Variants in FREM1 observed in about 807,000 individuals in gnomAD.
The protein encoded by FREM1 is FRAS1-related extracellular matrix protein 1.
Under a neutral mutation model 210.1 loss-of-function variants are expected in FREM1, and 220 were observed. That is an observed-to-expected ratio of 1.05 (90% CI 0.94 to 1.17). The LOEUF is 1.17. FREM1 is among the 50% of genes most tolerant of loss of function. The pLI, the probability that FREM1 is intolerant of heterozygous loss-of-function variation, is 0.00. For missense variants in FREM1, 3,454 were observed against 2,675.5 expected (o/e 1.29, Z -6.42); for synonymous variants, 1,189 against 980.2 (o/e 1.21, Z -3.98).
chr9:14,749,245 T>C (rs745715372), intron 30 of FREM1, among the ~76,000 whole-genome samples: 1 of 152,184 alleles, frequency 6.6e-6, no homozygotes, highest in Non-Finnish European at 1.5e-5. Flanking sequence ...GTGTATATCA[T>C]GTATTTTATG....
Position 14,807,926 on chromosome 9 carries a change from A to G in FREM1, c.3088+14T>C. The G allele has an allele frequency of 6.3e-7, 1 of 1,599,230 alleles. No homozygotes were observed. The highest frequency in any genetic ancestry group is 8.6e-7 in the Non-Finnish European group (1 of 1,167,514). On this transcript the variant is annotated intron_variant, in intron 17 of 36. Coordinates refer to ENST00000380880, the MANE Select transcript of FREM1 (RefSeq NM_001379081.2). The stretch of plus-strand genomic sequence containing the variant: ...GTCAGACAATAGTACTGGAACAAAA[A>G]AACACATTGTCACCTATTGCAATGG...
chr9:14,823,635 G>T (rs1199119137), intron 12 of FREM1, among the ~76,000 whole-genome samples: 1 of 152,072 alleles, frequency 6.6e-6, no homozygotes, highest in Admixed American at 6.5e-5. Flanking sequence ...AGTCCTTTAT[G>T]TCCTGGCAGT....
At chr9:14,753,359 G>C (rs1386941618) in intron 29 of FREM1, among the ~76,000 whole-genome samples, 1 of 152,172 alleles carries the variant, frequency 6.6e-6, no homozygotes, top group Non-Finnish European at 1.5e-5. Context: ...TTGACTCTAA[G>C]GAATGATGAT....
chr9:14,864,560 A>G (rs1418986529), intron 2 of FREM1, among the ~76,000 whole-genome samples: 2 of 152,202 alleles, frequency 1.3e-5, no homozygotes, highest in Non-Finnish European at 2.9e-5. Flanking sequence ...TCCTCTATTC[A>G]AATAAAATTA....
chr9:14,739,451 T>TATATATATATATATATATATATAATTC (rs1841043138), intron 36 of FREM1, among the ~76,000 whole-genome samples: 3 of 8,708 alleles, frequency 3.4e-4, no homozygotes, highest in Non-Finnish European at 3.6e-4. Context: ...TTATTTGGAA[T>TATATATATATATATATATATATAATTC]ATATATATAT....
intron 27 of FREM1, among the ~76,000 whole-genome samples, chr9:14,769,521 A>G (rs1847134404): frequency 6.6e-6 from 1 of 152,150 alleles, no homozygotes; most frequent in Non-Finnish European, 1.5e-5. Context: ...ATGTTTCTGT[A>G]CTCTGTAAAG....
At chr9:14,865,436 A>G (rs1314406517) in intron 2 of FREM1, among the ~76,000 whole-genome samples, 15 of 152,256 alleles carry the variant, frequency 9.9e-5, no homozygotes. Context: ...ATCCCTTTCC[A>G]AATATTCAAC....
intron 22 of FREM1, among the ~76,000 whole-genome samples, chr9:14,790,153 G>C (rs977152065): frequency 5.3e-5 from 8 of 152,138 alleles, no homozygotes; most frequent in African/African-American, 1.9e-4. Flanking sequence ...ACAGCAGTGG[G>C]ATGAAGACAC....
In FREM1 at chr9:14,851,380, G is replaced by T; in HGVS notation, c.1056C>A (p.Thr352=). Reference sequence around the variant, plus strand: ...TCCAGGTGAATGAGGAGATTGGTCTGGTGTGATCCAACAGGTGAGTCACAT... The same window carrying T: ...TCCAGGTGAATGAGGAGATTGGTCTTGTGTGATCCAACAGGTGAGTCACAT... The part of the protein sequence containing the change: ...QGYVTHLLDH[T]RPISSFTWKD... The change falls in exon 6 of 37, where the codon ACC becomes ACA. Residue 352 remains threonine (T), a synonymous_variant. Coordinates refer to ENST00000380880, the MANE Select transcript of FREM1 (RefSeq NM_001379081.2). The T allele has an allele frequency of 6.2e-7, 1 of 1,613,830 alleles. No homozygotes were observed. Among genetic ancestry groups the T allele is most frequent in the Non-Finnish European group, 8.5e-7 (1 of 1,179,776 alleles).
chr9:14,847,632 G>A (rs76595440), intron 7 of FREM1, among the ~76,000 whole-genome samples: 5,104 of 152,172 alleles, frequency 0.034, 126 homozygotes, highest in African/African-American at 0.055. Context: ...TCTTCACGGC[G>A]AAATAATAAT....
chr9:14,819,326 T>G lies in FREM1; in HGVS notation c.2454A>C (p.Glu818Asp), dbSNP rs764056384. The G allele has an allele frequency of 8.1e-6, 13 of 1,613,724 alleles. No individual in the cohort carries two copies. The highest frequency in any genetic ancestry group is 2.5e-6 in the Non-Finnish European group (3 of 1,179,738). The change falls in exon 14 of 37, where the codon GAA (glutamate) becomes GAC (aspartate). Residue 818 changes from glutamate to aspartate, a missense_variant. Glu to Asp is a conservative substitution (Grantham distance 45). Transcript: ENST00000380880. ...KLDNIDLSLR[E>D]LPLHGRVELN... is the part of the protein sequence containing the mutation. ...GCTCCACCCTTCCGTGCAGAGGCAATTCCCGCAGGGAGAGGTCAATATTGT... is the reference window on the plus strand; with the variant it reads ...GCTCCACCCTTCCGTGCAGAGGCAAGTCCCGCAGGGAGAGGTCAATATTGT...
intron 2 of FREM1, among the ~76,000 whole-genome samples, chr9:14,867,216 G>A (rs920145251): frequency 3.6e-4 from 55 of 152,218 alleles, no homozygotes; most frequent in African/African-American, 1.3e-3. Context: ...CCACTCCTGA[G>A]CTTATTTGTA....
intron 29 of FREM1, chr9:14,751,939 C>T (rs1348387620): frequency 2.0e-5 from 3 of 150,724 alleles, no homozygotes; most frequent in Non-Finnish European, 4.4e-5. Flanking sequence ...ATTAAGCTTC[C>T]AGTACTGAGT....
intron 35 of FREM1, among the ~76,000 whole-genome samples, chr9:14,743,720 A>C (rs1841948043): frequency 6.6e-6 from 1 of 152,132 alleles, no homozygotes; most frequent in African/African-American, 2.4e-5. Context: ...AAATCCCAGC[A>C]ATCACCTAAC....
intron 17 of FREM1, 51 bp downstream of exon 17, chr9:14,807,889 G>A: frequency 7.9e-7 from 1 of 1,260,596 alleles, no homozygotes. Context: ...TGAACCACAG[G>A]TATGACACTA....
At position 14,803,448 on chromosome 9, in the gene FREM1, C is replaced by T. The variant is rs576050138; in HGVS notation, c.3471+1508G>A. 9.9e-5 allele frequency among the ~76,000 whole-genome samples: 15 copies of T among 151,922 alleles called. No homozygotes were observed. The East Asian group carries it at 2.7e-3, about 27-fold the overall frequency. ...AATCATGGCTCACTGCACACTCACC[C>T]ACCCAGGCTTAAGCAATCCTCCCAC... is the stretch of plus-strand genomic sequence containing the variant. On this transcript the variant is annotated intron_variant, in intron 19 of 36. Transcript: ENST00000380880.
At position 14,806,699 on chromosome 9, in the gene FREM1, G is replaced by A. The variant is rs1164614395; in HGVS notation, c.3236C>T (p.Ser1079Phe). 1.9e-6 allele frequency: 3 copies of A among 1,602,778 alleles called. No individual in the cohort carries two copies. The highest frequency in any genetic ancestry group is 2.6e-6 in the Non-Finnish European group (3 of 1,174,276). ...AATATTGCTTTTTTCAAAACCCACA[G>A]AAGGGAGTATATTTTCGAGGTAGCC... is the stretch of plus-strand genomic sequence containing the variant. ...QFGYLENILPSVGFEKSNIGI... is the reference protein window; with the variant it reads ...QFGYLENILPFVGFEKSNIGI... Residue 1079 changes from serine (S) to phenylalanine (F), a missense_variant, in exon 18 of 37, where the codon TCT (serine) becomes TTT (phenylalanine). Coordinates refer to ENST00000380880, the MANE Select transcript of FREM1 (RefSeq NM_001379081.2).
chr9:14,848,796 G>A (rs1262059323), intron 6 of FREM1, 23 bp from the exon 7 acceptor site: 2 of 1,426,726 alleles, frequency 1.4e-6, no homozygotes, highest in East Asian at 2.3e-5. Flanking sequence ...AGAGGCAAAG[G>A]AGCCACACAC....
At chr9:14,835,837 A>G (rs1824470691) in intron 10 of FREM1, among the ~76,000 whole-genome samples, 3 of 152,234 alleles carry the variant, frequency 2.0e-5, no homozygotes, top group Admixed American at 2.0e-4. Flanking sequence ...TGAAGACTGA[A>G]GAGAAAAATT....
Sources: gnomAD v4.1 joint callset for allele counts (sites outside exome capture counted in the v4.1 genomes callset) on GRCh38, gnomAD v4.1.1 for gene constraint, MANE v1.5 for transcripts, NCBI Gene and HGNC (gene_info 2026-07-23, HGNC 2026-07-21) for gene names.